The following CCDC171 variants were observed in gnomAD, a reference collection of about 807,000 sequenced individuals.
CCDC171 encodes coiled-coil domain containing 171, also known as coiled-coil domain-containing protein 171.
CCDC171 carries 177 observed loss-of-function variants against 168.2 expected under a neutral mutation model. That is an observed-to-expected ratio of 1.05 (90% CI 0.93 to 1.19). The LOEUF (loss-of-function observed/expected upper bound fraction) is 1.19, where lower values mean the gene tolerates loss of function less well. Among genes scored for constraint, CCDC171 ranks in the 50% most tolerant of loss-of-function variants. The probability of loss-of-function intolerance (pLI) is 0.00; values close to 1 mark genes in which losing one functional copy is unlikely to be tolerated. For missense variants in CCDC171, 1,991 were observed against 1,539.0 expected (o/e 1.29, Z -4.91); for synonymous variants, 687 against 540.8 (o/e 1.27, Z -3.75).
chr9:15,986,554 C>G (rs1927701), intron 3 of CCDC171, among the ~76,000 whole-genome samples: 3 of 152,002 alleles, frequency 2.0e-5, no homozygotes, highest in Non-Finnish European at 4.4e-5. Flanking sequence ...AATCCAAGAA[C>G]TGTAATGGGA....
intron 6 of CCDC171, among the ~76,000 whole-genome samples, chr9:15,608,276 A>T (rs1382450259): frequency 6.6e-6 from 1 of 152,198 alleles, no homozygotes; most frequent in Non-Finnish European, 1.5e-5. Flanking sequence ...AGGGACACAC[A>T]TTCAAACCAT....
intron 25 of CCDC171, among the ~76,000 whole-genome samples, chr9:15,961,178 T>G (rs911617794): frequency 2.0e-5 from 3 of 152,214 alleles, no homozygotes; most frequent in Non-Finnish European, 4.4e-5. Flanking sequence ...CTTCTTTACC[T>G]GAGTGCCTGC....
chr9:15,556,251 T>G (rs928750158), intron 1 of CCDC171, among the ~76,000 whole-genome samples: 1 of 150,502 alleles, frequency 6.6e-6, no homozygotes, highest in African/African-American at 2.4e-5. Flanking sequence ...TCTCTCTGGC[T>G]GCCAGTGATG....
At chr9:15,989,292 C>G (rs1832106321) in intron 3 of CCDC171, among the ~76,000 whole-genome samples, 1 of 152,210 alleles carries the variant, frequency 6.6e-6, no homozygotes, top group African/African-American at 2.4e-5. Context: ...TCTGCAGCCT[C>G]TGCTGCTGAT....
At chr9:15,699,282 C>T (rs543244938) in intron 11 of CCDC171, among the ~76,000 whole-genome samples, 5 of 151,988 alleles carry the variant, frequency 3.3e-5, no homozygotes, top group Admixed American at 1.3e-4. Context: ...CTCGTGGGCT[C>T]GCTGGCTCAG....
Position 15,744,261 on chromosome 9 carries a change from C to A in CCDC171, c.2050-12C>A. ...TTTCATGATCAAATATATTTTTTGACTTCTTCCATAGAAATTTCAAGAAAT... is the reference window on the plus strand; with the variant it reads ...TTTCATGATCAAATATATTTTTTGAATTCTTCCATAGAAATTTCAAGAAAT... On this transcript the variant is annotated splice_polypyrimidine_tract_variant and intron_variant, in intron 16 of 25. Coordinates refer to ENST00000380701, the MANE Select transcript of CCDC171 (RefSeq NM_173550.4). 1 of 1,557,914 alleles carries A rather than the reference C, an allele frequency of 6.4e-7. No homozygotes were observed. Among genetic ancestry groups the A allele is most frequent in the South Asian group, 1.2e-5 (1 of 81,390 alleles).
At chr9:16,034,734 G>A (rs185302929) in intron 6 of CCDC171, among the ~76,000 whole-genome samples, 2 of 152,258 alleles carry the variant, frequency 1.3e-5, no homozygotes, top group Non-Finnish European at 2.9e-5. Flanking sequence ...AGCTAATATA[G>A]CATGAGACTT....
rs771005577 is a variant in CCDC171, at chr9:15,810,827, G to A, written c.3267+26133G>A. Among the ~76,000 whole-genome samples, 45 of 152,196 alleles carry A rather than the reference G, an allele frequency of 3.0e-4. 3 individuals carry two copies. Among genetic ancestry groups the A allele is most frequent in the Admixed American group, 2.7e-3 (42 of 15,282 alleles). ...AGGAGAGGGAGCTGGCTTCAGCATGGGCCGGCCCAGAGAGGGGCTCCCACA... is the reference window on the plus strand; with the variant it reads ...AGGAGAGGGAGCTGGCTTCAGCATGAGCCGGCCCAGAGAGGGGCTCCCACA... On this transcript the variant is annotated intron_variant, in intron 21 of 25. Coordinates refer to ENST00000380701, the MANE Select transcript of CCDC171 (RefSeq NM_173550.4).
At chr9:15,821,127 A>T (rs568566038) in intron 21 of CCDC171, among the ~76,000 whole-genome samples, 1 of 117,668 alleles carries the variant, frequency 8.5e-6, no homozygotes, top group East Asian at 2.1e-4. Flanking sequence ...CCTTTGACAA[A>T]ATTCAACAAC....
chr9:15,638,034 G>A (rs941059741), intron 7 of CCDC171, among the ~76,000 whole-genome samples: 1 of 152,170 alleles, frequency 6.6e-6, no homozygotes, highest in African/African-American at 2.4e-5. Flanking sequence ...AGATCCCTGA[G>A]GAATCACCAC....
intron 6 of CCDC171, among the ~76,000 whole-genome samples, chr9:15,616,833 A>G (rs978939391): frequency 2.6e-5 from 4 of 152,232 alleles, no homozygotes; most frequent in Non-Finnish European, 4.4e-5. Flanking sequence ...GTTGTTCATA[A>G]TACTATTTGT....
At chr9:15,949,821 G>A (rs1335714492) in intron 25 of CCDC171, among the ~76,000 whole-genome samples, 2 of 152,158 alleles carry the variant, frequency 1.3e-5, no homozygotes, top group African/African-American at 2.4e-5. Context: ...TAATTGCCCT[G>A]GCCAGAACTT....
At chr9:15,696,543 G>A (rs1347158695) in intron 11 of CCDC171, among the ~76,000 whole-genome samples, 1 of 152,106 alleles carries the variant, frequency 6.6e-6, no homozygotes, top group African/African-American at 2.4e-5. Flanking sequence ...CAGCTTTGGA[G>A]GAGAAAATTT....
At chr9:15,631,545 A>G (rs1368892477) in intron 7 of CCDC171, among the ~76,000 whole-genome samples, 1 of 152,280 alleles carries the variant, frequency 6.6e-6, no homozygotes, top group East Asian at 1.9e-4. Flanking sequence ...TTACCAACCA[A>G]AAAGTCCAGG....
chr9:16,030,812 A>AG (rs1833354013), intron 6 of CCDC171, among the ~76,000 whole-genome samples: 1 of 152,158 alleles, frequency 6.6e-6, no homozygotes, highest in African/African-American at 2.4e-5. Context: ...ACTCCATGTG[A>AG]TCGCTTCCCA....
chr9:15,609,530 T>C lies in CCDC171; in HGVS notation c.676-13737T>C, dbSNP rs2131817001. Among the ~76,000 whole-genome samples, 4 of 152,320 alleles carry C rather than the reference T, an allele frequency of 2.6e-5. No individual in the cohort carries two copies. In the South Asian group the frequency reaches 8.3e-4, roughly 32 times the overall value. On this transcript the variant is annotated intron_variant, in intron 6 of 25. Transcript: ENST00000380701. ...TATATAGCATGAGATGGGATCTAAT[T>C]TTGTTTTTCCAAATAGATAGCCAAG...
At chr9:15,626,488 A>G (rs1421201493) in intron 7 of CCDC171, among the ~76,000 whole-genome samples, 1 of 152,196 alleles carries the variant, frequency 6.6e-6, no homozygotes, top group Admixed American at 6.5e-5. Flanking sequence ...TATACATCCC[A>G]TCAATACCTA....
chr9:15,956,364 C>G (rs1829797247), intron 25 of CCDC171, among the ~76,000 whole-genome samples: 1 of 152,096 alleles, frequency 6.6e-6, no homozygotes, highest in African/African-American at 2.4e-5. Context: ...TGATAGGATA[C>G]TTGGAATTGA....
At chr9:15,814,843 A>C (rs1274770549) in intron 21 of CCDC171, among the ~76,000 whole-genome samples, 1 of 152,202 alleles carries the variant, frequency 6.6e-6, no homozygotes, top group East Asian at 1.9e-4. Flanking sequence ...TAAAAAGTGT[A>C]GTACTTGTCT....
Sources: allele counts gnomAD v4.1 joint callset (sites outside exome capture counted in the v4.1 genomes callset), GRCh38; gene constraint gnomAD v4.1.1; transcripts MANE v1.5; gene names NCBI Gene and HGNC (gene_info 2026-07-23, HGNC 2026-07-21).